EDEM3: variants seen among roughly 807,000 people sequenced by gnomAD.
EDEM3 encodes the protein ER degradation-enhancing alpha-mannosidase-like protein 3.
In EDEM3, 60 loss-of-function variants were observed where a neutral mutation model predicts 110.2. That is an observed-to-expected ratio of 0.54 (90% CI 0.44 to 0.67). The LOEUF (loss-of-function observed/expected upper bound fraction) is 0.67. Ranked by LOEUF, EDEM3 falls within the 30% of genes least tolerant of loss-of-function variation. The pLI is 0.00. For missense variants in EDEM3, 996 were observed against 1,121.0 expected (o/e 0.89, Z 1.59); for synonymous variants, 352 against 382.9 (o/e 0.92, Z 0.94).
chr1:184,699,446 T>C (rs1394543093), intron 19 of EDEM3, among the ~76,000 whole-genome samples: 3 of 151,876 alleles, frequency 2.0e-5, no homozygotes, highest in African/African-American at 4.8e-5. Context: ...TGAAAATGCA[T>C]GAGAAAACAT....
At chr1:184,726,506 A>T in intron 6 of EDEM3, 117 bp from the exon 7 acceptor site, 4 of 1,128,252 alleles carry the variant, frequency 3.5e-6, no homozygotes. Flanking sequence ...TAAAATAACT[A>T]AACACTGAAA....
intron 2 of EDEM3, 88 bp from the exon 3 acceptor site, chr1:184,737,799 T>A: frequency 8.9e-7 from 1 of 1,128,400 alleles, no homozygotes; most frequent in Non-Finnish European, 1.3e-6. Context: ...AGTTAAAAAA[T>A]AAAATAATAG....
rs1026863035 is a variant in EDEM3 at position 184,690,615 on chromosome 1, T to A, written c.*3448A>T. ...CAGACTTTTACATCACAGTACATAGTTTCCCTTAGAAATATTGTATACATT... is the reference window on the plus strand; with the variant it reads ...CAGACTTTTACATCACAGTACATAGATTCCCTTAGAAATATTGTATACATT... On this transcript the variant is annotated 3_prime_UTR_variant, in exon 20 of 20. Transcript: ENST00000318130. The A allele has an allele frequency of 5.2e-5, 8 of 152,606 alleles. No homozygotes were observed. The highest frequency in any genetic ancestry group is 1.3e-4 in the Admixed American group (2 of 15,272). The allele number at this position is 152,606 out of a possible 1,614,324, so 9.5% of individuals were successfully genotyped here.
At position 184,719,152 on chromosome 1, in the gene EDEM3, A is replaced by T; in HGVS notation, c.1161+10T>A. The T allele has an allele frequency of 6.6e-7, 1 of 1,516,798 alleles. No homozygotes were observed. The highest frequency in any genetic ancestry group is 1.3e-5 in the South Asian group (1 of 78,150). The allele number at this position is 1,516,798 out of a possible 1,614,324, so 94.0% of individuals were successfully genotyped here. A position where few individuals can be genotyped will look rare whatever the true frequency, so the allele number is the denominator to read the frequency against. On this transcript the variant is annotated intron_variant, in intron 11 of 19. Coordinates refer to ENST00000318130, the MANE Select transcript of EDEM3 (RefSeq NM_025191.4). ...TGTGTGTAAGATTATTCCAAAAATT[A>T]TTTGCTTACCTCTGGTAGAAAATTG...
intron 13 of EDEM3, among the ~76,000 whole-genome samples, chr1:184,712,897 G>A (rs1158714870): frequency 6.6e-6 from 1 of 152,142 alleles, no homozygotes; most frequent in Non-Finnish European, 1.5e-5. Flanking sequence ...CTTCTATAGA[G>A]AATCAACAGC....
At chr1:184,737,088 T>C (rs756144848) in intron 3 of EDEM3, 24 bp from the exon 4 acceptor site, 6 of 1,587,592 alleles carry the variant, frequency 3.8e-6, no homozygotes, top group East Asian at 4.5e-5. Context: ...GTTAACAAGA[T>C]ATAAAACATT....
rs543994267 is a variant in EDEM3, at chr1:184,715,151, C to T, written c.1370+1737G>A. The stretch of plus-strand genomic sequence containing the variant: ...CAGTTATGGTGCTGTGTGCCAGACA[C>T]ATCTTGAGTATGGTTAATTCTGGAT... On this transcript the variant is annotated intron_variant, in intron 13 of 19. Coordinates refer to ENST00000318130, the MANE Select transcript of EDEM3 (RefSeq NM_025191.4). Among the ~76,000 whole-genome samples the T allele has an allele frequency of 2.0e-5, 3 of 152,158 alleles. No individual in the cohort carries two copies. The East Asian group carries it at 5.8e-4, about 29-fold the overall frequency.
chr1:184,748,558 AT>A (rs1220083050), intron 2 of EDEM3, among the ~76,000 whole-genome samples: 3 of 152,212 alleles, frequency 2.0e-5, no homozygotes, highest in African/African-American at 7.2e-5. Flanking sequence ...TCCAAAAAAA[AT>A]CATATCCTAA....
chr1:184,712,881 C>T (rs1650334520), intron 13 of EDEM3, among the ~76,000 whole-genome samples: 1 of 152,088 alleles, frequency 6.6e-6, no homozygotes, highest in South Asian at 2.1e-4. Flanking sequence ...GGAAAGTTCT[C>T]CATTTCTTCT....
chr1:184,704,518 G>A (rs1649802153), intron 18 of EDEM3, among the ~76,000 whole-genome samples: 1 of 151,456 alleles, frequency 6.6e-6, no homozygotes, highest in Admixed American at 6.6e-5. Flanking sequence ...AGGCTTGGTG[G>A]CACGTGCCTG....
chr1:184,700,340 A>T (rs1262117371), intron 19 of EDEM3, among the ~76,000 whole-genome samples: 1 of 151,904 alleles, frequency 6.6e-6, no homozygotes, highest in African/African-American at 2.4e-5. Flanking sequence ...AAAAATACGT[A>T]TTTGTGGAAT....
chr1:184,695,416 G>T (rs1444209932), intron 19 of EDEM3, among the ~76,000 whole-genome samples: 1 of 152,044 alleles, frequency 6.6e-6, no homozygotes, highest in Non-Finnish European at 1.5e-5. Flanking sequence ...GACACGTTAT[G>T]AAAGAGAGAT....
At chr1:184,753,226 AC>A (rs1228457698) in intron 1 of EDEM3, among the ~76,000 whole-genome samples, 9 of 152,096 alleles carry the variant, frequency 5.9e-5, no homozygotes, top group African/African-American at 2.2e-4. Context: ...TTTAAAAAAA[AC>A]ATGGGATGAT....
chr1:184,712,238 T>G (rs1650288963), intron 14 of EDEM3, among the ~76,000 whole-genome samples, 195 bp downstream of exon 14: 1 of 152,142 alleles, frequency 6.6e-6, no homozygotes, highest in South Asian at 2.1e-4. Context: ...CTCAACATAA[T>G]TTTTAAAAGG....
At chr1:184,745,086 T>C (rs1041774370) in intron 2 of EDEM3, among the ~76,000 whole-genome samples, 12 of 152,208 alleles carry the variant, frequency 7.9e-5, no homozygotes, top group South Asian at 4.1e-4. Flanking sequence ...CAAAAAAGAA[T>C]TGTGCACTCA....
At chr1:184,745,741 A>G (rs1275020151) in intron 2 of EDEM3, among the ~76,000 whole-genome samples, 1 of 152,170 alleles carries the variant, frequency 6.6e-6, no homozygotes, top group Non-Finnish European at 1.5e-5. Flanking sequence ...AGTGGTTATT[A>G]GGTACGATTC....
At chr1:184,733,073 T>C (rs1651617689) in intron 5 of EDEM3, 83 bp from the exon 6 acceptor site, 2 of 1,423,424 alleles carry the variant, frequency 1.4e-6, no homozygotes, top group South Asian at 1.5e-5. Context: ...TACTTTGTTA[T>C]ACAATTTAAC....
chr1:184,706,674 C>T lies in EDEM3; in HGVS notation c.2172G>A (p.Gln724=). 1 of 1,613,274 alleles carries T rather than the reference C, an allele frequency of 6.2e-7. No homozygotes were observed. Among genetic ancestry groups the T allele is most frequent in the Non-Finnish European group, 8.5e-7 (1 of 1,179,460 alleles). The change falls in exon 18 of 20, where the codon CAG becomes CAA. Residue 724 remains glutamine, a synonymous_variant. Transcript: ENST00000318130. ...CMFAEKARNI[Q]NAGAIGGIVI... is the part of the protein sequence containing the mutation. Reference sequence around the variant, plus strand: ...CAATGCCACCAATGGCTCCAGCATTCTGGATGTTGCGTGCCTTTTCTGCAA... The same window carrying T: ...CAATGCCACCAATGGCTCCAGCATTTTGGATGTTGCGTGCCTTTTCTGCAA...
intron 19 of EDEM3, among the ~76,000 whole-genome samples, chr1:184,701,336 T>C (rs1376595915): frequency 1.3e-5 from 2 of 152,098 alleles, no homozygotes; most frequent in East Asian, 3.8e-4. Flanking sequence ...AAAATTATTA[T>C]GTGACTGCTG....
Sources: allele counts gnomAD v4.1 joint callset (sites outside exome capture counted in the v4.1 genomes callset), GRCh38; gene constraint gnomAD v4.1.1; transcripts MANE v1.5; gene names NCBI Gene and HGNC (gene_info 2026-07-23, HGNC 2026-07-21).